The following NKAIN2 variants were observed in gnomAD, a reference collection of about 807,000 sequenced individuals.
NKAIN2 encodes the protein sodium/potassium transporting ATPase interacting 2.
In NKAIN2, 14 loss-of-function variants were observed where a neutral mutation model predicts 32.6. The observed-to-expected ratio is 0.43, with a 90% CI of 0.28 to 0.67. NKAIN2 has a LOEUF of 0.67. Among genes scored for constraint, NKAIN2 ranks in the 30% least tolerant of loss-of-function variants. The pLI, the probability that NKAIN2 is intolerant of heterozygous loss-of-function variation, is 0.17. For synonymous variants in NKAIN2, 80 were observed against 87.2 expected (o/e 0.92, Z 0.46); for missense variants, 198 against 258.3 (o/e 0.77, Z 1.60).
intron 2 of NKAIN2, among the ~76,000 whole-genome samples, chr6:124,351,519 A>AAG (rs1196743636): frequency 2.0e-5 from 3 of 151,760 alleles, no homozygotes; most frequent in African/African-American, 7.3e-5. Context: ...AAAAAAAAAA[A>AAG]AAAAAGAAAA....
At chr6:124,173,995 A>G (rs1789030789) in intron 1 of NKAIN2, among the ~76,000 whole-genome samples, 1 of 152,146 alleles carries the variant, frequency 6.6e-6, no homozygotes, top group Non-Finnish European at 1.5e-5. Flanking sequence ...AGCATGCAAT[A>G]GGGATTTTGT....
At chr6:124,801,789 C>T (rs1679201247) in intron 5 of NKAIN2, among the ~76,000 whole-genome samples, 1 of 152,086 alleles carries the variant, frequency 6.6e-6, no homozygotes, top group African/African-American at 2.4e-5. Context: ...GAAATTCTTC[C>T]CCGAAGACAT....
Position 124,345,301 on chromosome 6 carries a change from G to T in NKAIN2, c.193-9966G>T, listed in dbSNP as rs531061615. 7.0e-4 allele frequency among the ~76,000 whole-genome samples: 106 copies of T among 151,856 alleles called. 1 individual carries two copies. The highest frequency in any genetic ancestry group is 2.4e-3 in the African/African-American group (100 of 41,448). On this transcript the variant is annotated intron_variant, in intron 2 of 6. Coordinates refer to ENST00000368417, the MANE Select transcript of NKAIN2 (RefSeq NM_001040214.3). ...ATATTGGTCTAAAATTCTCTTTTTT[G>T]GTTGTGTCTCTGCCAGTCTTTGGTA...
intron 3 of NKAIN2, among the ~76,000 whole-genome samples, chr6:124,603,207 T>C (rs1026064540): frequency 2.6e-5 from 4 of 151,998 alleles, no homozygotes; most frequent in African/African-American, 7.2e-5. Context: ...CAAGATCTTA[T>C]AACTTCATGC....
At chr6:124,434,266 G>C (rs1775343430) in intron 3 of NKAIN2, among the ~76,000 whole-genome samples, 1 of 152,122 alleles carries the variant, frequency 6.6e-6, no homozygotes, top group Admixed American at 6.6e-5. Flanking sequence ...TTTGTTTTCA[G>C]TGGGAAGGGG....
intron 1 of NKAIN2, among the ~76,000 whole-genome samples, chr6:123,826,361 A>C (rs999909485): frequency 6.6e-6 from 1 of 152,206 alleles, no homozygotes; most frequent in African/African-American, 2.4e-5. Flanking sequence ...GTTGTAAATC[A>C]TACATAACAA....
intron 1 of NKAIN2, among the ~76,000 whole-genome samples, chr6:124,184,864 G>A (rs1472945743): frequency 6.6e-6 from 1 of 151,984 alleles, no homozygotes; most frequent in Non-Finnish European, 1.5e-5. Flanking sequence ...GTTAACCATG[G>A]ATTTTAGTGG....
intron 1 of NKAIN2, among the ~76,000 whole-genome samples, chr6:123,969,982 T>G (rs1250398649): frequency 1.3e-5 from 2 of 152,094 alleles, no homozygotes; most frequent in Non-Finnish European, 2.9e-5. Flanking sequence ...ATAATATGTC[T>G]TAGGACAAAT....
At chr6:124,476,037 AGTGTGTGTGT>A (rs202003671) in intron 3 of NKAIN2, among the ~76,000 whole-genome samples, 268 of 142,700 alleles carry the variant, frequency 1.9e-3, no homozygotes, top group African/African-American at 6.8e-3. Flanking sequence ...TGTGTGAGAG[AGTGTGTGTGT>A]GAGAGAGAGA....
Position 124,530,364 on chromosome 6 carries a change from C to T in NKAIN2, c.274-127822C>T, listed in dbSNP as rs548073097. Among the ~76,000 whole-genome samples the T allele has an allele frequency of 1.4e-4, 22 of 152,260 alleles. No individual in the cohort carries two copies. In the East Asian group the frequency reaches 4.1e-3, roughly 28 times the overall value. The stretch of plus-strand genomic sequence containing the variant: ...AAGTGGAAGTGAATCACCATAAAGG[C>T]CTTCATCCTTGTCATCTTCACATCG... On this transcript the variant is annotated intron_variant, in intron 3 of 6. Transcript: ENST00000368417.
chr6:124,118,670 G>A (rs763686820), intron 1 of NKAIN2, among the ~76,000 whole-genome samples: 2 of 152,012 alleles, frequency 1.3e-5, no homozygotes, highest in Non-Finnish European at 2.9e-5. Flanking sequence ...TAAAAAGCAC[G>A]TTTATAAAAC....
chr6:124,165,602 G>C (rs944033372), intron 1 of NKAIN2, among the ~76,000 whole-genome samples: 11 of 150,858 alleles, frequency 7.3e-5, no homozygotes, highest in African/African-American at 2.7e-4. Context: ...TGCCATGCTG[G>C]TGTGCTGCAC....
In NKAIN2 at chr6:124,779,774, A is replaced by G. The variant is rs111326421; in HGVS notation, c.475-11565A>G. Among the ~76,000 whole-genome samples, 1,462 of 152,292 alleles carry G rather than the reference A, an allele frequency of 9.6e-3. 28 individuals carry two copies. The highest frequency in any genetic ancestry group is 0.034 in the African/African-American group (1,399 of 41,564). ...CTAACAATAAGCCAAGCCCCAGAAA[A>G]AAAGTGCTACCCAGATGATTCACAG... is the stretch of plus-strand genomic sequence containing the variant. On this transcript the variant is annotated intron_variant, in intron 4 of 6. Transcript: ENST00000368417.
intron 1 of NKAIN2, among the ~76,000 whole-genome samples, chr6:124,229,033 A>T (rs1792279510): frequency 6.6e-6 from 1 of 152,192 alleles, no homozygotes; most frequent in Non-Finnish European, 1.5e-5. Context: ...GCACAATTGA[A>T]GGTGTGTTTC....
intron 4 of NKAIN2, among the ~76,000 whole-genome samples, chr6:124,742,787 C>A (rs1409609486): frequency 6.6e-6 from 1 of 151,782 alleles, no homozygotes; most frequent in Admixed American, 6.6e-5. Flanking sequence ...TTACCTAGGA[C>A]ATCATCCAAG....
At chr6:123,816,660 A>G (rs932618516) in intron 1 of NKAIN2, among the ~76,000 whole-genome samples, 9 of 152,148 alleles carry the variant, frequency 5.9e-5, no homozygotes, top group Admixed American at 2.6e-4. Context: ...TGTGGGTGGG[A>G]AACCATGCTG....
At chr6:124,276,490 C>A (rs1460412529) in intron 1 of NKAIN2, among the ~76,000 whole-genome samples, 2 of 151,748 alleles carry the variant, frequency 1.3e-5, no homozygotes, top group Non-Finnish European at 2.9e-5. Context: ...CAAGTTTATC[C>A]TCTTCATTTT....
intron 3 of NKAIN2, among the ~76,000 whole-genome samples, chr6:124,644,237 A>G (rs1784087215): frequency 2.6e-5 from 4 of 152,266 alleles, no homozygotes; most frequent in Admixed American, 6.5e-5. Context: ...AAATAAATTA[A>G]CACCAAGATT....
chr6:124,257,034 CACTG>C (rs1408156846), intron 1 of NKAIN2, among the ~76,000 whole-genome samples: 1 of 151,638 alleles, frequency 6.6e-6, no homozygotes, highest in Non-Finnish European at 1.5e-5. Context: ...AAGGCGTTGT[CACTG>C]ACTGGGTTTT....
Sources: gnomAD v4.1 joint callset for allele counts (sites outside exome capture counted in the v4.1 genomes callset) on GRCh38, gnomAD v4.1.1 for gene constraint, MANE v1.5 for transcripts, NCBI Gene and HGNC (gene_info 2026-07-23, HGNC 2026-07-21) for gene names.